The following TMEM266 variants were observed in gnomAD, a reference collection of about 807,000 sequenced individuals.
TMEM266 encodes transmembrane protein 266.
Under a neutral mutation model 50.5 loss-of-function variants are expected in TMEM266, and 33 were observed. The ratio of observed to expected loss-of-function variants is 0.65; its 90% CI spans 0.50 to 0.87. TMEM266 has a LOEUF of 0.87. Among genes scored for constraint, TMEM266 ranks in the 40% least tolerant of loss-of-function variants. The pLI is 0.00. For missense variants in TMEM266, 655 were observed against 695.1 expected, an observed-to-expected ratio of 0.94 and a Z score of 0.65; for synonymous variants, 310 against 292.3, an observed-to-expected ratio of 1.06 and a Z score of -0.62.
Position 76,096,537 on chromosome 15 carries a change from A to G in TMEM266, c.-97+36521A>G, listed in dbSNP as rs143082265. On this transcript the variant is annotated intron_variant, in intron 1 of 10. Transcript: ENST00000388942. The stretch of plus-strand genomic sequence containing the variant: ...TGTTTTACTTCTAATTATGTGGTCA[A>G]TTTTAGAATAAGTGTGATGTGGTGC... Among the ~76,000 whole-genome samples the G allele has an allele frequency of 2.2e-4, 33 of 152,124 alleles. No individual in the cohort carries two copies. The East Asian group carries it at 4.8e-3, about 22-fold the overall frequency.
chr15:76,110,035 T>C (rs528912394), intron 1 of TMEM266, among the ~76,000 whole-genome samples: 11 of 152,190 alleles, frequency 7.2e-5, no homozygotes, highest in Admixed American at 7.2e-4. Context: ...AGTCTCACCC[T>C]GTCGCCCAGG....
chr15:76,132,866 G>C (rs1280848564), intron 1 of TMEM266, among the ~76,000 whole-genome samples: 3 of 148,464 alleles, frequency 2.0e-5, no homozygotes, highest in Non-Finnish European at 4.5e-5. Flanking sequence ...CAGGCACAGT[G>C]GCTCACACCT....
intron 3 of TMEM266, among the ~76,000 whole-genome samples, chr15:76,144,934 C>A (rs2037735115): frequency 6.6e-6 from 1 of 152,290 alleles, no homozygotes; most frequent in East Asian, 1.9e-4. Context: ...TATCTCCAAG[C>A]CTTGTAAATC....
intron 8 of TMEM266, among the ~76,000 whole-genome samples, chr15:76,183,055 CTG>C (rs1490022728): frequency 7.0e-6 from 1 of 143,328 alleles, no homozygotes; most frequent in African/African-American, 2.6e-5. Context: ...GAGGGACCCT[CTG>C]TTCCACACAA....
At position 76,161,558 on chromosome 15, in the gene TMEM266, G is replaced by A. The variant is rs748502904; in HGVS notation, c.456+1390G>A. Reference sequence around the variant, plus strand: ...GTCCGGGTGTGGGGTGTGGTGGGCCGGGCAGCAGGCATTCCAAGCATGGAA... The same window carrying A: ...GTCCGGGTGTGGGGTGTGGTGGGCCAGGCAGCAGGCATTCCAAGCATGGAA... On this transcript the variant is annotated intron_variant, in intron 5 of 10. Coordinates refer to ENST00000388942, the MANE Select transcript of TMEM266 (RefSeq NM_152335.3). The surrounding 1 kb of genome is among the most constrained non-coding windows in gnomAD (Gnocchi z 4.1). Among the ~76,000 whole-genome samples the A allele has an allele frequency of 6.6e-6, 1 of 152,146 alleles. No individual in the cohort carries two copies. The highest frequency in any genetic ancestry group is 2.4e-5 in the African/African-American group (1 of 41,424).
intron 1 of TMEM266, among the ~76,000 whole-genome samples, chr15:76,116,283 A>G (rs1330043085): frequency 6.6e-6 from 1 of 151,926 alleles, no homozygotes; most frequent in Non-Finnish European, 1.5e-5. Context: ...CAGTCTTTGT[A>G]GTTTGCTGGG....
At chr15:76,189,478 C>T (rs965680153) in intron 8 of TMEM266, among the ~76,000 whole-genome samples, 3 of 152,146 alleles carry the variant, frequency 2.0e-5, no homozygotes, top group African/African-American at 7.2e-5. Context: ...GAAGACTAGA[C>T]AAGAAAGTGG....
intron 1 of TMEM266, among the ~76,000 whole-genome samples, chr15:76,105,001 C>T (rs537642560): frequency 1.2e-3 from 183 of 152,154 alleles, no homozygotes; most frequent in African/African-American, 4.2e-3. Context: ...GGGTGGATCA[C>T]GAGGTCAGGT....
intron 5 of TMEM266, among the ~76,000 whole-genome samples, chr15:76,165,724 G>A (rs541298230): frequency 3.9e-5 from 6 of 152,342 alleles, no homozygotes; most frequent in Admixed American, 1.3e-4. Flanking sequence ...GAAGGTGGCC[G>A]CATGAGGGGC....
chr15:76,163,676 CT>C (rs2038050510), intron 5 of TMEM266, among the ~76,000 whole-genome samples: 1 of 152,124 alleles, frequency 6.6e-6, no homozygotes, highest in Non-Finnish European at 1.5e-5. Context: ...TCCTTGGGGC[CT>C]CCTGGCCAAG....
chr15:76,096,815 G>T (rs975869852), intron 1 of TMEM266, among the ~76,000 whole-genome samples: 1 of 151,888 alleles, frequency 6.6e-6, no homozygotes, highest in Admixed American at 6.6e-5. Context: ...ATATATTTTG[G>T]ATAGTTAGCT....
Position 76,171,070 on chromosome 15 carries a change from C to G in TMEM266, c.591C>G (p.Pro197=). 6.2e-7 allele frequency: 1 copy of G among 1,613,420 alleles called. No homozygotes were observed. The highest frequency in any genetic ancestry group is 1.1e-5 in the South Asian group (1 of 90,818). The change falls in exon 7 of 11, where the codon CCC becomes CCG. Residue 197 remains proline, a synonymous_variant. Coordinates refer to ENST00000388942, the MANE Select transcript of TMEM266 (RefSeq NM_152335.3). ...CTGTGGCCAATGGACCCAGGAGCCC[C>G]TGGGACGCCATCAGCCTCATCATCA...
rs1219771804 is a variant in TMEM266, at chr15:76,203,819, A to C, written c.1100A>C (p.Asp367Ala). ...ATTCACCAGCCCAACATCTCCTCGG[A>C]CCTCTTCTCTCTGGACATGCCCCTC... Residue 367 changes from aspartate to alanine, a missense_variant, in exon 11 of 11, where the codon GAC (aspartate) becomes GCC (alanine). This residue lies in a region of TMEM266 where 455 missense variants were observed against 401.8 expected (regional missense o/e 1.13). Transcript: ENST00000388942. The C allele has an allele frequency of 6.2e-7, 1 of 1,613,820 alleles. No homozygotes were observed. Among genetic ancestry groups the C allele is most frequent in the East Asian group, 2.2e-5 (1 of 44,876 alleles).
At chr15:76,116,724 C>A (rs1192015803) in intron 1 of TMEM266, among the ~76,000 whole-genome samples, 1 of 152,130 alleles carries the variant, frequency 6.6e-6, no homozygotes, top group Non-Finnish European at 1.5e-5. Context: ...TCCTGTCTCA[C>A]ATATATTTTC....
At chr15:76,064,242 T>G (rs1347469577) in intron 1 of TMEM266, among the ~76,000 whole-genome samples, 1 of 152,208 alleles carries the variant, frequency 6.6e-6, no homozygotes, top group Non-Finnish European at 1.5e-5. Context: ...ATTAGCCTGT[T>G]GCATTTTTTA....
At chr15:76,154,682 G>C (rs1390020886) in intron 3 of TMEM266, among the ~76,000 whole-genome samples, 5 of 152,174 alleles carry the variant, frequency 3.3e-5, no homozygotes, top group Non-Finnish European at 7.3e-5. Context: ...TCTGGGAGCA[G>C]CTCCCTGAGT....
At chr15:76,086,639 A>G (rs2955734) in intron 1 of TMEM266, among the ~76,000 whole-genome samples, 42,155 of 152,038 alleles carry the variant, frequency 0.28, 6,139 homozygotes, top group African/African-American at 0.34. Context: ...GAGGTTTCCT[A>G]TTGGTTACTT....
At position 76,161,848 on chromosome 15, in the gene TMEM266, G is replaced by A. The variant is rs535170570; in HGVS notation, c.456+1680G>A. Among the ~76,000 whole-genome samples the A allele has an allele frequency of 2.6e-4, 39 of 152,348 alleles. No individual in the cohort carries two copies. The South Asian group carries it at 5.8e-3, about 23-fold the overall frequency. ...ATTCCCTCCCGCAAACACATGGGCC[G>A]TGGCCAGATGTCTCCTTGATGCAAA... On this transcript the variant is annotated intron_variant, in intron 5 of 10. Transcript: ENST00000388942. The surrounding 1 kb of genome is among the most constrained non-coding windows in gnomAD (Gnocchi z 4.1).
intron 10 of TMEM266, 53 bp from the exon 11 acceptor site, chr15:76,203,688 C>T: frequency 6.5e-7 from 1 of 1,542,714 alleles, no homozygotes; most frequent in Non-Finnish European, 8.9e-7. Context: ...TCTTCAGGGC[C>T]CCCAGGTGTG....
Sources: allele counts gnomAD v4.1 joint callset (sites outside exome capture counted in the v4.1 genomes callset), GRCh38; gene constraint gnomAD v4.1.1; regional missense constraint gnomAD v4.1.1; non-coding constraint Gnocchi (gnomAD v3.1); transcripts MANE v1.5; gene names NCBI Gene and HGNC (gene_info 2026-07-23, HGNC 2026-07-21).